The following FBXW7 variants were observed in gnomAD, a reference collection of about 807,000 sequenced individuals.
The protein encoded by FBXW7 is F-box/WD repeat-containing protein 7.
A neutral mutation model predicts 86.3 loss-of-function variants in FBXW7; 11 were observed. That is an observed-to-expected ratio of 0.13 (90% CI 0.08 to 0.21). FBXW7 has a LOEUF of 0.21. FBXW7 is among the 10% of genes least tolerant of loss of function. The pLI is 1.00. For synonymous variants in FBXW7, 313 were observed against 297.9 expected (o/e 1.05, Z -0.52); for missense variants, 488 against 847.4 (o/e 0.58, Z 5.27).
At chr4:152,339,844 T>C (rs576913727) in intron 6 of FBXW7, among the ~76,000 whole-genome samples, 10 of 140,134 alleles carry the variant, frequency 7.1e-5, no homozygotes, top group African/African-American at 2.4e-4. Context: ...CAGGGGGCTG[T>C]GGCAGGAGGT....
At chr4:152,474,520 A>C (rs1744227064) in intron 2 of FBXW7, among the ~76,000 whole-genome samples, 1 of 152,226 alleles carries the variant, frequency 6.6e-6, no homozygotes, top group African/African-American at 2.4e-5. Context: ...AGCATTAGAA[A>C]TCAATTCTCA....
intron 2 of FBXW7, among the ~76,000 whole-genome samples, chr4:152,491,917 T>C (rs1306680285): frequency 1.3e-5 from 2 of 152,186 alleles, no homozygotes; most frequent in Non-Finnish European, 2.9e-5. Flanking sequence ...GATACATGTA[T>C]GCCATTGAAA....
At chr4:152,422,129 T>C (rs1452171710) in intron 2 of FBXW7, among the ~76,000 whole-genome samples, 3 of 152,100 alleles carry the variant, frequency 2.0e-5, no homozygotes, top group Non-Finnish European at 4.4e-5. Flanking sequence ...ATGGTGTGCC[T>C]ATATAGTAAA....
At chr4:152,404,544 A>G (rs1396276395) in intron 4 of FBXW7, among the ~76,000 whole-genome samples, 2 of 152,202 alleles carry the variant, frequency 1.3e-5, no homozygotes, top group African/African-American at 2.4e-5. Context: ...TTTGAATCCT[A>G]TATTTTAAAT....
At chr4:152,456,569 A>G (rs1403516547) in intron 2 of FBXW7, among the ~76,000 whole-genome samples, 2 of 152,072 alleles carry the variant, frequency 1.3e-5, no homozygotes, top group African/African-American at 4.8e-5. Context: ...ATAAGCAAAG[A>G]TTCGAGAAAA....
rs894658981 is a variant in FBXW7 at position 152,535,363 on chromosome 4, G to A, written c.-449C>T. The stretch of plus-strand genomic sequence containing the variant: ...AGTCCAGCCAAGGAGCCGGGGGGCC[G>A]GCGACTGGCCAAGGGAGAAGACCCC... On this transcript the variant is annotated 5_prime_UTR_variant, in exon 1 of 14. Coordinates refer to ENST00000281708, the MANE Select transcript of FBXW7 (RefSeq NM_001349798.2). 4 of 372,706 alleles carry A rather than the reference G, an allele frequency of 1.1e-5. No individual in the cohort carries two copies. The highest frequency in any genetic ancestry group is 2.1e-5 in the African/African-American group (1 of 47,680). 23.1% of individuals were successfully genotyped at this position (372,706 alleles called of 1,614,324 possible).
intron 2 of FBXW7, among the ~76,000 whole-genome samples, chr4:152,523,319 T>C (rs1330763342): frequency 6.6e-6 from 1 of 152,050 alleles, no homozygotes; most frequent in African/African-American, 2.4e-5. Flanking sequence ...AAAACACATA[T>C]TTTAAAGAAA....
At chr4:152,490,087 C>T (rs1745693991) in intron 2 of FBXW7, among the ~76,000 whole-genome samples, 1 of 152,054 alleles carries the variant, frequency 6.6e-6, no homozygotes, top group African/African-American at 2.4e-5. Context: ...ATAAGACAAA[C>T]ACTGTATGAT....
chr4:152,447,167 G>C (rs995528596), intron 2 of FBXW7, among the ~76,000 whole-genome samples: 7 of 152,106 alleles, frequency 4.6e-5, no homozygotes, highest in Non-Finnish European at 1.0e-4. Flanking sequence ...CTCTTAACAT[G>C]GTGATTTGAA....
intron 10 of FBXW7, among the ~76,000 whole-genome samples, chr4:152,329,313 T>C (rs1035727067): frequency 1.3e-5 from 2 of 151,932 alleles, no homozygotes; most frequent in Non-Finnish European, 1.5e-5. Flanking sequence ...CCCTCAACCA[T>C]ACTTTTGAAA....
At chr4:152,370,996 A>G (rs1238611708) in intron 4 of FBXW7, among the ~76,000 whole-genome samples, 1 of 151,550 alleles carries the variant, frequency 6.6e-6, no homozygotes, top group Non-Finnish European at 1.5e-5. Flanking sequence ...GTAAAACACT[A>G]TATATACAAA....
chr4:152,473,188 G>A (rs1579296987), intron 2 of FBXW7, among the ~76,000 whole-genome samples: 1 of 152,158 alleles, frequency 6.6e-6, no homozygotes, highest in Non-Finnish European at 1.5e-5. Context: ...AGGCTACAGT[G>A]AGCAGTGACC....
At chr4:152,470,906 C>T (rs1028080395) in intron 2 of FBXW7, among the ~76,000 whole-genome samples, 2 of 152,044 alleles carry the variant, frequency 1.3e-5, no homozygotes, top group Non-Finnish European at 2.9e-5. Context: ...AAAAACAAAA[C>T]ATAACAAATA....
In FBXW7 at chr4:152,461,805, G is replaced by A. The variant is rs547018022; in HGVS notation, c.-119-49276C>T. ...CATGTTGTATGATTCTAATGGGCTC[G>A]TATGGACTCAAACTGCAAACTTCAG... is the stretch of plus-strand genomic sequence containing the variant. On this transcript the variant is annotated intron_variant, in intron 2 of 13. Coordinates refer to ENST00000281708, the MANE Select transcript of FBXW7 (RefSeq NM_001349798.2). Among the ~76,000 whole-genome samples the A allele has an allele frequency of 6.6e-4, 100 of 152,232 alleles. 1 individual carries two copies. The highest frequency in any genetic ancestry group is 2.4e-3 in the African/African-American group (99 of 41,542).
chr4:152,382,178 G>T, intron 4 of FBXW7: 1 of 1,539,768 alleles, frequency 6.5e-7, no homozygotes, highest in South Asian at 1.3e-5. Context: ...TTTCAAATGT[G>T]TGAGACTTAC....
chr4:152,425,933 G>C (rs1182476072), intron 2 of FBXW7, among the ~76,000 whole-genome samples: 1 of 152,108 alleles, frequency 6.6e-6, no homozygotes, highest in African/African-American at 2.4e-5. Context: ...GGACAGTCAG[G>C]GATTTTTCTG....
intron 6 of FBXW7, among the ~76,000 whole-genome samples, chr4:152,341,399 T>A (rs1265747737): frequency 1.3e-5 from 2 of 152,208 alleles, no homozygotes; most frequent in Non-Finnish European, 2.9e-5. Flanking sequence ...GCTTCCTTAC[T>A]TCCTTCCCTG....
chr4:152,388,941 C>A (rs561032221), intron 4 of FBXW7, among the ~76,000 whole-genome samples: 1 of 151,910 alleles, frequency 6.6e-6, no homozygotes, highest in Non-Finnish European at 1.5e-5. Flanking sequence ...ACAACAAAAA[C>A]CAAATTAACT....
At chr4:152,509,668 T>C (rs1432040293) in intron 2 of FBXW7, among the ~76,000 whole-genome samples, 1 of 152,208 alleles carries the variant, frequency 6.6e-6, no homozygotes, top group African/African-American at 2.4e-5. Context: ...CAACAGTAAT[T>C]CTCAACTGGG....
Sources: gnomAD v4.1 joint callset for allele counts (sites outside exome capture counted in the v4.1 genomes callset) on GRCh38, gnomAD v4.1.1 for gene constraint, MANE v1.5 for transcripts, NCBI Gene and HGNC (gene_info 2026-07-23, HGNC 2026-07-21) for gene names.